Variants in NRG3 observed in about 807,000 individuals in gnomAD.
The protein encoded by NRG3 is neuregulin 3, also known as pro-neuregulin-3, membrane-bound isoform.
NRG3 carries 31 observed loss-of-function variants against 66.9 expected under a neutral mutation model. That is an observed-to-expected ratio of 0.46 (90% CI 0.35 to 0.63). The LOEUF (loss-of-function observed/expected upper bound fraction) is 0.63. Ranked by LOEUF, NRG3 falls within the 20% of genes least tolerant of loss-of-function variation. The pLI is 0.00. For synonymous variants in NRG3, 393 were observed against 359.4 expected (o/e 1.09, Z -1.06); for missense variants, 910 against 878.9 (o/e 1.04, Z -0.45).
chr10:82,978,974 A>T lies in NRG3; in HGVS notation c.1437A>T (p.Pro479=). ...HHRSLSSCCS[P]GQRSGMLHRN... Reference sequence around the variant, plus strand: ...GGAGTCTATCCTCTTGCTGCAGCCCAGGGCAAAGAAGTGGCATGCTCCATA... The same window carrying T: ...GGAGTCTATCCTCTTGCTGCAGCCCTGGGCAAAGAAGTGGCATGCTCCATA... The change falls in exon 8 of 9, where the codon CCA becomes CCT. Residue 479 remains proline, a synonymous_variant. Coordinates refer to ENST00000372141, the MANE Select transcript of NRG3 (RefSeq NM_001010848.4). 1 of 1,613,956 alleles carries T rather than the reference A, an allele frequency of 6.2e-7. No individual in the cohort carries two copies.
chr10:82,304,802 T>G (rs187880885), intron 1 of NRG3, among the ~76,000 whole-genome samples: 150 of 152,212 alleles, frequency 9.9e-4, no homozygotes, highest in African/African-American at 3.4e-3. Flanking sequence ...TCTTTTACTT[T>G]AGCCATATAA....
intron 1 of NRG3, among the ~76,000 whole-genome samples, chr10:82,354,601 A>C (rs1046862241): frequency 6.6e-6 from 1 of 152,092 alleles, no homozygotes; most frequent in Admixed American, 6.5e-5. Context: ...CATGTTGGCC[A>C]GGCTGGTCTC....
At chr10:82,036,385 C>T (rs552715636) in intron 1 of NRG3, among the ~76,000 whole-genome samples, 1 of 152,120 alleles carries the variant, frequency 6.6e-6, no homozygotes, top group Non-Finnish European at 1.5e-5. Flanking sequence ...CCCATTTAAT[C>T]TTCCTAACAA....
chr10:82,502,180 T>G (rs1844259603), intron 2 of NRG3, among the ~76,000 whole-genome samples: 1 of 152,210 alleles, frequency 6.6e-6, no homozygotes, highest in Non-Finnish European at 1.5e-5. Flanking sequence ...TTTGTTTGTT[T>G]TTTTGTGTTT....
At chr10:82,179,042 G>T (rs1321987196) in intron 1 of NRG3, among the ~76,000 whole-genome samples, 1 of 151,654 alleles carries the variant, frequency 6.6e-6, no homozygotes, top group Non-Finnish European at 1.5e-5. Context: ...TGTTTTCTTT[G>T]AAGAAATGTT....
chr10:82,237,628 T>C (rs11193129), intron 1 of NRG3, among the ~76,000 whole-genome samples: 42,549 of 151,890 alleles, frequency 0.28, 8,291 homozygotes, highest in East Asian at 0.55. Context: ...ATCAATCATT[T>C]GATCAATCAA....
In NRG3 at chr10:82,661,967, T is replaced by C. The variant is rs368191342; in HGVS notation, c.954-76610T>C. 2.0e-5 allele frequency among the ~76,000 whole-genome samples: 3 copies of C among 152,046 alleles called. No individual in the cohort carries two copies. The South Asian group carries it at 6.2e-4, about 32-fold the overall frequency. The stretch of plus-strand genomic sequence containing the variant: ...GAAGCTGTTTCCCATCTGCTGGGGG[T>C]GGGGACCTAGTTCTCATGGAGGGTT... On this transcript the variant is annotated intron_variant, in intron 2 of 8. Coordinates refer to ENST00000372141, the MANE Select transcript of NRG3 (RefSeq NM_001010848.4).
intron 3 of NRG3, among the ~76,000 whole-genome samples, chr10:82,749,270 C>G (rs988498157): frequency 5.3e-5 from 8 of 151,858 alleles, no homozygotes; most frequent in Non-Finnish European, 1.2e-4. Context: ...CCACTCTGCT[C>G]ATAGCATGAC....
chr10:82,153,221 A>C (rs1315057338), intron 1 of NRG3, among the ~76,000 whole-genome samples: 1 of 151,842 alleles, frequency 6.6e-6, no homozygotes, highest in Non-Finnish European at 1.5e-5. Flanking sequence ...CTCCCTATCA[A>C]CCTCTGATAA....
intron 2 of NRG3, among the ~76,000 whole-genome samples, chr10:82,532,418 T>C (rs1847349657): frequency 1.3e-5 from 2 of 150,168 alleles, no homozygotes; most frequent in South Asian, 4.2e-4. Flanking sequence ...ACAATACATA[T>C]ATAGTACTAT....
intron 2 of NRG3, among the ~76,000 whole-genome samples, chr10:82,733,831 C>G (rs993955397): frequency 1.3e-5 from 2 of 152,160 alleles, no homozygotes; most frequent in African/African-American, 2.4e-5. Context: ...CACTCATTGT[C>G]ATATTATAAG....
chr10:82,718,651 G>A (rs563699712), intron 2 of NRG3, among the ~76,000 whole-genome samples: 40 of 152,258 alleles, frequency 2.6e-4, no homozygotes, highest in Non-Finnish European at 5.3e-4. Flanking sequence ...TAACAACACA[G>A]GGTGGAATAT....
At chr10:82,552,236 A>G (rs635481) in intron 2 of NRG3, among the ~76,000 whole-genome samples, 64,568 of 152,018 alleles carry the variant, frequency 0.42, 15,439 homozygotes, top group African/African-American at 0.65. Flanking sequence ...TAGTTACCCA[A>G]TGATATTGTT....
chr10:81,910,366 G>A (rs1845017236), intron 1 of NRG3, among the ~76,000 whole-genome samples: 1 of 152,146 alleles, frequency 6.6e-6, no homozygotes, highest in Non-Finnish European at 1.5e-5. Flanking sequence ...ACATCAAACT[G>A]AGCCCTTGAA....
chr10:82,239,123 G>A (rs369264028), intron 1 of NRG3, among the ~76,000 whole-genome samples: 29 of 151,254 alleles, frequency 1.9e-4, no homozygotes, highest in African/African-American at 7.0e-4. Context: ...TTTATAATAC[G>A]ATCTATTAAA....
intron 1 of NRG3, among the ~76,000 whole-genome samples, chr10:82,006,465 C>G (rs1366985189): frequency 6.6e-6 from 1 of 151,960 alleles, no homozygotes; most frequent in Non-Finnish European, 1.5e-5. Context: ...TTAATATGTT[C>G]AAATATGTTT....
chr10:82,673,672 G>T (rs561034705), intron 2 of NRG3, among the ~76,000 whole-genome samples: 1 of 152,278 alleles, frequency 6.6e-6, no homozygotes, highest in Non-Finnish European at 1.5e-5. Flanking sequence ...AAAGTTTGGG[G>T]GTTGGGGGAT....
chr10:82,528,533 G>A (rs535719009), intron 2 of NRG3, among the ~76,000 whole-genome samples: 1 of 152,232 alleles, frequency 6.6e-6, no homozygotes, highest in Non-Finnish European at 1.5e-5. Flanking sequence ...ACTGTCAGGA[G>A]GATGACCTTT....
chr10:82,074,220 G>A (rs1002044225), intron 1 of NRG3, among the ~76,000 whole-genome samples: 14 of 152,246 alleles, frequency 9.2e-5, no homozygotes, highest in Admixed American at 7.2e-4. Flanking sequence ...GGTGTTCCAC[G>A]TGAGGTTCTA....
Sources: gnomAD v4.1 joint callset for allele counts (sites outside exome capture counted in the v4.1 genomes callset) on GRCh38, gnomAD v4.1.1 for gene constraint, MANE v1.5 for transcripts, NCBI Gene and HGNC (gene_info 2026-07-23, HGNC 2026-07-21) for gene names.